KCNMA1: variants seen among roughly 807,000 people sequenced by gnomAD.
The protein encoded by KCNMA1 is Calcium-activated potassium channel subunit alpha-1.
In KCNMA1, 29 loss-of-function variants were observed where a neutral mutation model predicts 140.0. The observed-to-expected ratio is 0.21, with a 90% CI of 0.15 to 0.28. The LOEUF is 0.28. Among genes scored for constraint, KCNMA1 ranks in the 10% least tolerant of loss-of-function variants. The pLI, the probability that KCNMA1 is intolerant of heterozygous loss-of-function variation, is 1.00. For missense variants in KCNMA1, 880 were observed against 1,602.2 expected (o/e 0.55, Z 7.70); for synonymous variants, 612 against 611.9 (o/e 1.00, Z 0.00).
intron 2 of KCNMA1, among the ~76,000 whole-genome samples, chr10:77,257,827 A>G (rs141399323): frequency 0.014 from 2,067 of 152,264 alleles, 43 homozygotes; most frequent in African/African-American, 0.047. Context: ...GTAAGATGTG[A>G]CTTGCTCCTC....
chr10:77,591,017 A>G (rs1476541498), intron 1 of KCNMA1, among the ~76,000 whole-genome samples: 1 of 152,208 alleles, frequency 6.6e-6, no homozygotes, highest in Non-Finnish European at 1.5e-5. Context: ...GCTCAACAGC[A>G]ACACCTCATA....
intron 19 of KCNMA1, among the ~76,000 whole-genome samples, chr10:76,996,735 A>G (rs1464398153): frequency 6.6e-6 from 1 of 152,174 alleles, no homozygotes; most frequent in African/African-American, 2.4e-5. Context: ...ATTCGTGCTT[A>G]TTATCCTTGG....
At chr10:77,473,752 G>C (rs771206878) in intron 1 of KCNMA1, among the ~76,000 whole-genome samples, 13 of 152,158 alleles carry the variant, frequency 8.5e-5, no homozygotes, top group Non-Finnish European at 1.3e-4. Flanking sequence ...AGCCATCTGA[G>C]ACCTCCTGGT....
intron 2 of KCNMA1, among the ~76,000 whole-genome samples, chr10:77,387,241 C>T (rs1018144651): frequency 2.0e-5 from 3 of 152,102 alleles, no homozygotes; most frequent in African/African-American, 7.2e-5. Flanking sequence ...TGAAGTCAGG[C>T]TGCAATATGA....
At chr10:76,880,625 T>C (rs1434116260), downstream of KCNMA1, among the ~76,000 whole-genome samples, 1 of 152,220 alleles carries the variant, frequency 6.6e-6, no homozygotes, top group African/African-American at 2.4e-5. Flanking sequence ...TCGCCAGCCA[T>C]TCAGCATCCA....
At chr10:77,602,986 C>T (rs1443227362) in intron 1 of KCNMA1, among the ~76,000 whole-genome samples, 3 of 152,108 alleles carry the variant, frequency 2.0e-5, no homozygotes, top group African/African-American at 7.2e-5. Flanking sequence ...TCAGGGAAGC[C>T]GGGGCTGGCA....
intron 3 of KCNMA1, among the ~76,000 whole-genome samples, chr10:77,232,308 T>C (rs1000460268): frequency 7.2e-5 from 11 of 152,246 alleles, no homozygotes; most frequent in Non-Finnish European, 1.2e-4. Flanking sequence ...GGTAGCTCTG[T>C]CTTTCAGTTT....
chr10:77,440,808 A>G (rs1314936370), intron 1 of KCNMA1, among the ~76,000 whole-genome samples: 3 of 152,020 alleles, frequency 2.0e-5, no homozygotes, highest in East Asian at 3.9e-4. Context: ...AAGAATCAAA[A>G]TTCTTTTTTT....
rs146195584 is a variant in KCNMA1, at chr10:77,578,672, C to T, written c.378+58593G>A. On this transcript the variant is annotated intron_variant, in intron 1 of 27. Coordinates refer to ENST00000286628, the MANE Select transcript of KCNMA1 (RefSeq NM_001161352.2). ...ATCTTCCCTCTCGCTCCAGAGTATC[C>T]AGCCGCCAAGGGCTCTGCCTCTCTC... Among the ~76,000 whole-genome samples, 362 of 152,280 alleles carry T rather than the reference C, an allele frequency of 2.4e-3. 8 individuals are homozygous for T. In the South Asian group the frequency reaches 0.025, roughly 10 times the overall value.
intron 25 of KCNMA1, among the ~76,000 whole-genome samples, chr10:76,898,602 C>T (rs1464421916): frequency 6.6e-6 from 1 of 150,812 alleles, no homozygotes; most frequent in Non-Finnish European, 1.5e-5. Context: ...AAATTAAATA[C>T]AATGTAATAG....
intron 2 of KCNMA1, among the ~76,000 whole-genome samples, chr10:77,397,600 C>T (rs747481889): frequency 1.6e-4 from 25 of 152,134 alleles, no homozygotes; most frequent in Non-Finnish European, 2.4e-4. Flanking sequence ...TTTTCTCTAC[C>T]CCCTATTTCT....
intron 14 of KCNMA1, chr10:77,063,648 C>T (rs1233601938): frequency 1.5e-5 from 12 of 799,610 alleles, no homozygotes; most frequent in East Asian, 1.3e-4. Flanking sequence ...CTTAAAATCA[C>T]CTTAGGGCAA....
chr10:77,543,086 A>G (rs892468068), intron 1 of KCNMA1, among the ~76,000 whole-genome samples: 1 of 151,848 alleles, frequency 6.6e-6, no homozygotes, highest in African/African-American at 2.4e-5. Flanking sequence ...ACAGAAACAC[A>G]GGTTCCAGGG....
chr10:76,886,774 G>A lies in KCNMA1; in HGVS notation c.*492C>T, dbSNP rs2037173391. On this transcript the variant is annotated 3_prime_UTR_variant, in exon 28 of 28. Transcript: ENST00000286628. ...AAACAATCAATATGTTTTCATTGCT[G>A]TTTGGTTGCTTGTTTCAAATAAACA... The A allele has an allele frequency of 2.9e-6, 3 of 1,029,064 alleles. No individual in the cohort carries two copies. The highest frequency in any genetic ancestry group is 3.5e-6 in the Non-Finnish European group (3 of 855,904). 63.7% of individuals were successfully genotyped at this position (1,029,064 alleles called of 1,614,324 possible).
At position 77,353,395 on chromosome 10, in the gene KCNMA1, T is replaced by G. The variant is rs915236999; in HGVS notation, c.540+50467A>C. Among the ~76,000 whole-genome samples, 7 of 152,200 alleles carry G rather than the reference T, an allele frequency of 4.6e-5. No homozygotes were observed. The East Asian group carries it at 1.2e-3, about 25-fold the overall frequency. ...AACTATAAAGCTCTATTTAGATGAA[T>G]CACATTATTATTAAACAGTTCAATC... On this transcript the variant is annotated intron_variant, in intron 2 of 27. Coordinates refer to ENST00000286628, the MANE Select transcript of KCNMA1 (RefSeq NM_001161352.2).
intron 22 of KCNMA1, among the ~76,000 whole-genome samples, chr10:76,946,782 A>G (rs896846299): frequency 6.6e-6 from 1 of 152,206 alleles, no homozygotes; most frequent in Non-Finnish European, 1.5e-5. Context: ...GTGATATAAG[A>G]TGATCCCTGT....
intron 14 of KCNMA1, chr10:77,063,906 T>C (rs2095845871): frequency 2.0e-6 from 2 of 985,296 alleles, no homozygotes; most frequent in Admixed American, 6.2e-5. Flanking sequence ...CAGAGGCTTG[T>C]TCAATAAGAT....
intron 2 of KCNMA1, among the ~76,000 whole-genome samples, chr10:77,320,772 G>A (rs752513431): frequency 5.3e-5 from 8 of 152,116 alleles, no homozygotes; most frequent in Non-Finnish European, 1.2e-4. Flanking sequence ...TAAAATATTC[G>A]AGAATCCTGT....
At chr10:77,038,312 T>C (rs2094460576) in intron 15 of KCNMA1, among the ~76,000 whole-genome samples, 1 of 152,184 alleles carries the variant, frequency 6.6e-6, no homozygotes, top group Admixed American at 6.5e-5. Context: ...TTTCGATGTC[T>C]TCAGACCTCT....
Sources: allele counts gnomAD v4.1 joint callset (sites outside exome capture counted in the v4.1 genomes callset), GRCh38; gene constraint gnomAD v4.1.1; transcripts MANE v1.5; gene names NCBI Gene and HGNC (gene_info 2026-07-23, HGNC 2026-07-21).